The following TMEM132C variants were observed in gnomAD, a reference collection of about 807,000 sequenced individuals.
The protein encoded by TMEM132C is protein phosphatase 1, regulatory subunit 152.
In TMEM132C, 29 loss-of-function variants were observed where a neutral mutation model predicts 61.4. The ratio of observed to expected loss-of-function variants is 0.47; its 90% CI spans 0.35 to 0.64. The LOEUF (loss-of-function observed/expected upper bound fraction) is 0.64. Ranked by LOEUF, TMEM132C falls within the 30% of genes least tolerant of loss-of-function variation. The pLI is 0.00. For missense variants in TMEM132C, 1,408 were observed against 1,476.9 expected (o/e 0.95, Z 0.76); for synonymous variants, 656 against 633.1 (o/e 1.04, Z -0.54).
In TMEM132C at chr12:128,415,157, A is replaced by T. The variant is rs889844371; in HGVS notation, c.511A>T (p.Arg171Trp). 6.2e-7 allele frequency: 1 copy of T among 1,610,806 alleles called. No individual in the cohort carries two copies. Among genetic ancestry groups the T allele is most frequent in the African/African-American group, 1.3e-5 (1 of 74,710 alleles). The change falls in exon 2 of 9, where the codon AGG becomes TGG. Residue 171 changes from arginine to tryptophan, a missense_variant. Physicochemically the swap from Arg to Trp is moderately radical, Grantham distance 101. Transcript: ENST00000435159. This position sits in a 1 kb window ranked among gnomAD's most constrained non-coding sequence, Gnocchi z 5.8. Reference protein sequence around the residue: ...HGAGEKLPCLRVFAFRETREV... With the variant: ...HGAGEKLPCLWVFAFRETREV... ...CGCCGGGGAGAAGCTGCCATGCCTG[A>T]GGGTCTTTGCTTTCCGAGAAACCAG...
At chr12:128,620,703 T>C (rs1190967853) in intron 4 of TMEM132C, among the ~76,000 whole-genome samples, 2 of 152,180 alleles carry the variant, frequency 1.3e-5, no homozygotes, top group Non-Finnish European at 2.9e-5. Flanking sequence ...ACCTGGAATT[T>C]TGAAAAGTTT....
At chr12:128,578,664 C>G (rs865843454) in intron 3 of TMEM132C, among the ~76,000 whole-genome samples, 1 of 152,146 alleles carries the variant, frequency 6.6e-6, no homozygotes. Context: ...GTGGCATGAT[C>G]TCGGCTCACT....
At chr12:128,464,670 T>C (rs893156637) in intron 2 of TMEM132C, among the ~76,000 whole-genome samples, 2 of 152,034 alleles carry the variant, frequency 1.3e-5, no homozygotes, top group Admixed American at 6.6e-5. Context: ...GAGGCTGAGA[T>C]GGGAGGACCT....
chr12:128,635,232 CA>C (rs1954093683), intron 4 of TMEM132C, among the ~76,000 whole-genome samples: 1 of 151,968 alleles, frequency 6.6e-6, no homozygotes, highest in African/African-American at 2.4e-5. Context: ...ATAATTGAAG[CA>C]AAAAAAGTTT....
At chr12:128,311,175 A>G (rs886996773) in intron 1 of TMEM132C, among the ~76,000 whole-genome samples, 2 of 152,258 alleles carry the variant, frequency 1.3e-5, no homozygotes, top group African/African-American at 4.8e-5. Flanking sequence ...AAATCTGCAC[A>G]GTCCTTTACC....
chr12:128,624,995 AAGG>A (rs1954001429), intron 4 of TMEM132C, among the ~76,000 whole-genome samples: 1 of 152,090 alleles, frequency 6.6e-6, no homozygotes, highest in Non-Finnish European at 1.5e-5. Flanking sequence ...AGAAACTAGC[AAGG>A]GAGGGGGGTG....
intron 1 of TMEM132C, among the ~76,000 whole-genome samples, chr12:128,365,773 T>C (rs966028333): frequency 1.3e-5 from 2 of 152,154 alleles, no homozygotes; most frequent in Non-Finnish European, 1.5e-5. Context: ...GTTTCATTTT[T>C]ACAAGGGGCC....
intron 3 of TMEM132C, among the ~76,000 whole-genome samples, chr12:128,552,079 C>G (rs866060462): frequency 1.3e-5 from 2 of 152,212 alleles, no homozygotes; most frequent in Non-Finnish European, 2.9e-5. Flanking sequence ...GAGGCGGGCT[C>G]CCCAGCGGGG....
intron 2 of TMEM132C, among the ~76,000 whole-genome samples, chr12:128,496,782 T>C (rs1177527193): frequency 6.6e-6 from 1 of 152,226 alleles, no homozygotes; most frequent in Non-Finnish European, 1.5e-5. Flanking sequence ...TTCGAACTTC[T>C]TCCTTTAGCT....
intron 1 of TMEM132C, among the ~76,000 whole-genome samples, chr12:128,409,435 C>T (rs1181660668): frequency 6.6e-6 from 1 of 152,098 alleles, no homozygotes; most frequent in Non-Finnish European, 1.5e-5. Context: ...GCACAGCGGG[C>T]TCAGTGTAGG....
chr12:128,480,230 A>T (rs1350767141), intron 2 of TMEM132C, among the ~76,000 whole-genome samples: 2 of 152,236 alleles, frequency 1.3e-5, no homozygotes. Flanking sequence ...ACTGCACTCC[A>T]GCTTGGGCAA....
intron 2 of TMEM132C, among the ~76,000 whole-genome samples, chr12:128,518,413 C>G (rs1275659070): frequency 2.6e-5 from 4 of 152,144 alleles, no homozygotes. Context: ...CATCACTTGC[C>G]CTGTGGCTTG....
At chr12:128,671,119 T>C (rs1003003506) in intron 5 of TMEM132C, among the ~76,000 whole-genome samples, 1 of 152,228 alleles carries the variant, frequency 6.6e-6, no homozygotes, top group Non-Finnish European at 1.5e-5. Flanking sequence ...TAAAGTTTTA[T>C]TGGGACATAG....
At chr12:128,532,580 C>T (rs1045418773) in intron 2 of TMEM132C, among the ~76,000 whole-genome samples, 1 of 110,708 alleles carries the variant, frequency 9.0e-6, no homozygotes, top group African/African-American at 4.6e-5. Flanking sequence ...CAGAGGTTTG[C>T]AGTGAGCTGA....
intron 2 of TMEM132C, among the ~76,000 whole-genome samples, chr12:128,520,684 T>G (rs1328404146): frequency 6.6e-6 from 1 of 152,174 alleles, no homozygotes; most frequent in Non-Finnish European, 1.5e-5. Context: ...CCAGTTGTGA[T>G]TGTAAGAATT....
At chr12:128,480,851 T>C (rs1871296049) in intron 2 of TMEM132C, among the ~76,000 whole-genome samples, 1 of 152,106 alleles carries the variant, frequency 6.6e-6, no homozygotes, top group Non-Finnish European at 1.5e-5. Context: ...TACATCATCT[T>C]CCAGCCCATC....
At chr12:128,447,635 C>T (rs74242470) in intron 2 of TMEM132C, among the ~76,000 whole-genome samples, 16,959 of 148,424 alleles carry the variant, frequency 0.11, 1,264 homozygotes, top group African/African-American at 0.2. Flanking sequence ...TCTCATTTAA[C>T]GTTTGGCCTT....
At chr12:128,272,000 T>C (rs1202545913) in intron 1 of TMEM132C, among the ~76,000 whole-genome samples, 1 of 152,254 alleles carries the variant, frequency 6.6e-6, no homozygotes, top group African/African-American at 2.4e-5. Context: ...ATAGAACATT[T>C]TTACAGCCAT....
At chr12:128,434,422 TC>T (rs142560396) in intron 2 of TMEM132C, among the ~76,000 whole-genome samples, 27,583 of 151,986 alleles carry the variant, frequency 0.18, 2,903 homozygotes, top group East Asian at 0.32. Flanking sequence ...TGCGTCAGCC[TC>T]CCAAGTAGCC....
Sources: gnomAD v4.1 joint callset for allele counts (sites outside exome capture counted in the v4.1 genomes callset) on GRCh38, gnomAD v4.1.1 for gene constraint, Gnocchi (gnomAD v3.1) non-coding constraint, MANE v1.5 for transcripts, NCBI Gene and HGNC (gene_info 2026-07-23, HGNC 2026-07-21) for gene names.